RBMS3: variants seen among roughly 807,000 people sequenced by gnomAD.
The protein encoded by RBMS3 is RNA binding motif single stranded interacting protein 3, also known as RNA-binding motif, single-stranded-interacting protein 3.
RBMS3 carries 27 observed loss-of-function variants against 66.8 expected under a neutral mutation model. The ratio of observed to expected loss-of-function variants is 0.40; its 90% CI spans 0.30 to 0.56. The LOEUF (loss-of-function observed/expected upper bound fraction) is 0.56, where lower values mean the gene tolerates loss of function less well. Among genes scored for constraint, RBMS3 ranks in the 20% least tolerant of loss-of-function variants. The probability of loss-of-function intolerance (pLI) is 0.40; values close to 1 mark genes in which losing one functional copy is unlikely to be tolerated. For missense variants in RBMS3, 513 were observed against 549.5 expected (o/e 0.93, Z 0.66); for synonymous variants, 188 against 183.0 (o/e 1.03, Z -0.22).
At chr3:29,970,792 C>T (rs1240375166) in intron 12 of RBMS3, among the ~76,000 whole-genome samples, 1 of 152,046 alleles carries the variant, frequency 6.6e-6, no homozygotes, top group Non-Finnish European at 1.5e-5. Flanking sequence ...TCATAAAAAT[C>T]CCACTCAGAG....
At chr3:29,543,097 A>G (rs2045825952) in intron 3 of RBMS3, among the ~76,000 whole-genome samples, 1 of 152,194 alleles carries the variant, frequency 6.6e-6, no homozygotes. Flanking sequence ...ACATATGGGG[A>G]AGGAAGCAGA....
At chr3:29,374,332 T>G (rs1307184673) in intron 1 of RBMS3, among the ~76,000 whole-genome samples, 3 of 152,042 alleles carry the variant, frequency 2.0e-5, no homozygotes, top group Non-Finnish European at 4.4e-5. Flanking sequence ...GAGAGATGAG[T>G]TTTTGATTTC....
intron 11 of RBMS3, among the ~76,000 whole-genome samples, 188 bp from the exon 12 acceptor site, chr3:29,944,019 A>G (rs1695131703): frequency 6.6e-6 from 1 of 151,724 alleles, no homozygotes; most frequent in Non-Finnish European, 1.5e-5. Flanking sequence ...TAACATGTAC[A>G]GTATTGTGGT....
chr3:29,661,960 T>C (rs2050570458), intron 4 of RBMS3, among the ~76,000 whole-genome samples: 1 of 152,218 alleles, frequency 6.6e-6, no homozygotes, highest in Non-Finnish European at 1.5e-5. Context: ...TGTCACAATG[T>C]ACCGCAAACA....
At chr3:29,429,624 C>G (rs570124358) in intron 1 of RBMS3, among the ~76,000 whole-genome samples, 1 of 152,314 alleles carries the variant, frequency 6.6e-6, no homozygotes, top group South Asian at 2.1e-4. Flanking sequence ...ATAGCAACCC[C>G]TTGCCCTGTT....
At chr3:29,564,767 C>T (rs886598381) in intron 3 of RBMS3, among the ~76,000 whole-genome samples, 4 of 152,132 alleles carry the variant, frequency 2.6e-5, no homozygotes, top group African/African-American at 9.6e-5. Flanking sequence ...TCCAGCTGTA[C>T]CTTATGTTTC....
intron 3 of RBMS3, among the ~76,000 whole-genome samples, chr3:29,529,667 A>G (rs1257059811): frequency 1.3e-5 from 2 of 152,236 alleles, no homozygotes; most frequent in East Asian, 1.9e-4. Context: ...TAGTAAAACA[A>G]CATGAGCACT....
chr3:29,930,253 A>G (rs955079907), intron 10 of RBMS3, among the ~76,000 whole-genome samples: 3 of 150,352 alleles, frequency 2.0e-5, no homozygotes, highest in Non-Finnish European at 4.4e-5. Context: ...CTGGGACTAC[A>G]GGCGCCTACC....
intron 3 of RBMS3, among the ~76,000 whole-genome samples, chr3:29,551,687 A>G (rs1283086780): frequency 6.6e-6 from 1 of 152,202 alleles, no homozygotes; most frequent in African/African-American, 2.4e-5. Context: ...AGGAAAAAAC[A>G]TATTTTACTT....
intron 4 of RBMS3, among the ~76,000 whole-genome samples, chr3:29,628,047 C>T (rs1364032623): frequency 1.3e-5 from 2 of 152,032 alleles, no homozygotes; most frequent in Non-Finnish European, 2.9e-5. Flanking sequence ...ATTAAATTAC[C>T]GGATTAAAAA....
At position 30,001,651 on chromosome 3, in the gene RBMS3, C is replaced by T. The variant is rs555399546; in HGVS notation, c.1308-2205C>T. On this transcript the variant is annotated intron_variant, in intron 14 of 14. Transcript: ENST00000383767. ...ATGTCCTTCACATTTGTGAGTAATA[C>T]AACATTCTATGTATTATAATATATT... 2.6e-5 allele frequency among the ~76,000 whole-genome samples: 4 copies of T among 151,984 alleles called. No individual in the cohort carries two copies. In the South Asian group the frequency reaches 8.3e-4, roughly 31 times the overall value.
At position 29,674,523 on chromosome 3, in the gene RBMS3, A is replaced by G. The variant is rs1441559614; in HGVS notation, c.400-65197A>G. On this transcript the variant is annotated intron_variant, in intron 4 of 14. Transcript: ENST00000383767. Reference sequence around the variant, plus strand: ...GTAAATCCCATCATCTCAGCCCAAAATCTCCTTAAACTGATAAGCAACGTC... The same window carrying G: ...GTAAATCCCATCATCTCAGCCCAAAGTCTCCTTAAACTGATAAGCAACGTC... Among the ~76,000 whole-genome samples the G allele has an allele frequency of 2.6e-5, 4 of 152,228 alleles. No homozygotes were observed. The East Asian group carries it at 5.8e-4, about 22-fold the overall frequency.
chr3:29,809,214 C>T (rs1298868051), intron 6 of RBMS3, among the ~76,000 whole-genome samples: 7 of 151,260 alleles, frequency 4.6e-5, no homozygotes, highest in Admixed American at 6.6e-5. Context: ...AATCCTTTTT[C>T]GAAAGTTCAT....
intron 3 of RBMS3, among the ~76,000 whole-genome samples, chr3:29,530,738 G>A (rs1435822584): frequency 2.6e-5 from 4 of 151,628 alleles, no homozygotes; most frequent in African/African-American, 9.7e-5. Flanking sequence ...TGGGCGTGGT[G>A]GCGGCTGCCT....
chr3:29,654,189 C>A (rs753643301), intron 4 of RBMS3, among the ~76,000 whole-genome samples: 11 of 152,152 alleles, frequency 7.2e-5, no homozygotes, highest in Non-Finnish European at 1.5e-4. Context: ...CAGAAACACT[C>A]TGCATGTAAT....
intron 2 of RBMS3, among the ~76,000 whole-genome samples, chr3:29,467,913 T>A (rs997478307): frequency 6.6e-6 from 1 of 152,090 alleles, no homozygotes; most frequent in African/African-American, 2.4e-5. Context: ...TTTCCAAAAA[T>A]ATGTAAAAAT....
intron 1 of RBMS3, among the ~76,000 whole-genome samples, chr3:29,363,497 A>G (rs1423598970): frequency 6.6e-6 from 1 of 152,198 alleles, no homozygotes; most frequent in African/African-American, 2.4e-5. Context: ...ACTCAAATTA[A>G]AACAACTATT....
chr3:29,300,102 G>A (rs1258485531), intron 1 of RBMS3, among the ~76,000 whole-genome samples: 3 of 151,868 alleles, frequency 2.0e-5, no homozygotes, highest in South Asian at 4.1e-4. Flanking sequence ...TAATAACCAC[G>A]AGGGAGATAC....
At chr3:29,665,930 C>T (rs903430481) in intron 4 of RBMS3, among the ~76,000 whole-genome samples, 1 of 152,124 alleles carries the variant, frequency 6.6e-6, no homozygotes, top group Non-Finnish European at 1.5e-5. Context: ...ACAATGACTC[C>T]TCATCTCACT....
Sources: gnomAD v4.1 joint callset for allele counts (sites outside exome capture counted in the v4.1 genomes callset) on GRCh38, gnomAD v4.1.1 for gene constraint, MANE v1.5 for transcripts, NCBI Gene and HGNC (gene_info 2026-07-23, HGNC 2026-07-21) for gene names.